ICA1L: variants seen among roughly 807,000 people sequenced by gnomAD.
ICA1L encodes the protein islet cell autoantigen 1 like, also known as islet cell autoantigen 1-like protein.
A neutral mutation model predicts 61.3 loss-of-function variants in ICA1L; 50 were observed. The observed-to-expected ratio is 0.82, with a 90% CI of 0.65 to 1.03. The LOEUF (loss-of-function observed/expected upper bound fraction) is 1.03, where lower values mean the gene tolerates loss of function less well. Among genes scored for constraint, ICA1L ranks in the 50% least tolerant of loss-of-function variants. The pLI, the probability that ICA1L is intolerant of heterozygous loss-of-function variation, is 0.00. For synonymous variants in ICA1L, 161 were observed against 191.3 expected, an observed-to-expected ratio of 0.84 and a Z score of 1.31; for missense variants, 508 against 556.7, an observed-to-expected ratio of 0.91 and a Z score of 0.88.
chr2:202,787,561 CTGAG>C (rs1559127030), intron 11 of ICA1L, among the ~76,000 whole-genome samples: 1 of 152,186 alleles, frequency 6.6e-6, no homozygotes, highest in African/African-American at 2.4e-5. Flanking sequence ...TCAATTCTTA[CTGAG>C]TGATTATTTA....
intron 1 of ICA1L, among the ~76,000 whole-genome samples, chr2:202,856,639 G>C (rs1368160176): frequency 6.6e-6 from 1 of 152,030 alleles, no homozygotes; most frequent in Non-Finnish European, 1.5e-5. Context: ...AGGGCAATCA[G>C]GCAAGAGAAA....
chr2:202,832,886 G>T (rs1407846308), intron 1 of ICA1L, among the ~76,000 whole-genome samples: 1 of 152,112 alleles, frequency 6.6e-6, no homozygotes, highest in African/African-American at 2.4e-5. Context: ...CTGGGGCAAG[G>T]GGTGGGAGGA....
chr2:202,783,817 A>G (rs1014974926), intron 12 of ICA1L, among the ~76,000 whole-genome samples: 3 of 152,160 alleles, frequency 2.0e-5, no homozygotes, highest in African/African-American at 7.2e-5. Flanking sequence ...TTTAGGAAAT[A>G]GACAATGAAT....
At chr2:202,811,118 C>A (rs1255641883) in intron 9 of ICA1L, among the ~76,000 whole-genome samples, 2 of 152,132 alleles carry the variant, frequency 1.3e-5, no homozygotes, top group Non-Finnish European at 2.9e-5. Context: ...CACTCCCTCC[C>A]CTTTTGAAAA....
intron 1 of ICA1L, among the ~76,000 whole-genome samples, chr2:202,854,422 G>A (rs1694716360): frequency 6.6e-6 from 1 of 152,150 alleles, no homozygotes; most frequent in African/African-American, 2.4e-5. Flanking sequence ...AAAAGACTTA[G>A]ACTCGCACAC....
At chr2:202,839,600 G>A (rs1333274482) in intron 1 of ICA1L, among the ~76,000 whole-genome samples, 1 of 84,850 alleles carries the variant, frequency 1.2e-5, no homozygotes, top group African/African-American at 3.2e-5. Context: ...GTGTGTGTGT[G>A]TGTGTGTGTG....
chr2:202,869,557 G>A (rs753213982), intron 1 of ICA1L: 4 of 152,126 alleles, frequency 2.6e-5, no homozygotes, highest in Admixed American at 6.5e-5. Flanking sequence ...TGGGTGGGAT[G>A]AGACTTCAGC....
chr2:202,814,833 T>G, intron 7 of ICA1L, 49 bp from the exon 8 acceptor site: 2 of 1,210,302 alleles, frequency 1.7e-6, no homozygotes, highest in Non-Finnish European at 2.4e-6. Flanking sequence ...ATCTGTTTCT[T>G]CTTCTCTGCA....
intron 1 of ICA1L, 124 bp downstream of exon 1, chr2:202,871,495 G>T (rs1043780622): frequency 3.3e-5 from 5 of 151,936 alleles, no homozygotes; most frequent in African/African-American, 1.2e-4. Flanking sequence ...GCGCGCGCGT[G>T]TGGCCGGAGC....
chr2:202,846,447 C>T (rs560999693), intron 1 of ICA1L, among the ~76,000 whole-genome samples: 24 of 152,134 alleles, frequency 1.6e-4, no homozygotes, highest in Middle Eastern at 6.8e-3. Context: ...GGTTGCAAGT[C>T]AGGGTCTCCA....
intron 1 of ICA1L, among the ~76,000 whole-genome samples, chr2:202,836,471 G>A (rs1694151453): frequency 6.6e-6 from 1 of 152,080 alleles, no homozygotes; most frequent in African/African-American, 2.4e-5. Context: ...CCTATAATTT[G>A]CTTTTCTTGT....
At chr2:202,840,509 G>A (rs1043721146) in intron 1 of ICA1L, 19 of 536,098 alleles carry the variant, frequency 3.5e-5, no homozygotes, top group East Asian at 1.4e-4. Flanking sequence ...CTCATAGGCC[G>A]AGCTCAGACC....
At chr2:202,859,411 G>A (rs1420192496) in intron 1 of ICA1L, among the ~76,000 whole-genome samples, 1 of 152,126 alleles carries the variant, frequency 6.6e-6, no homozygotes, top group Non-Finnish European at 1.5e-5. Flanking sequence ...AAAATTAGCT[G>A]AAATTTTAAA....
intron 10 of ICA1L, among the ~76,000 whole-genome samples, chr2:202,789,737 AAAT>A (rs1200583937): frequency 6.6e-5 from 10 of 152,358 alleles, no homozygotes; most frequent in Non-Finnish European, 1.3e-4. Flanking sequence ...ACTTTCGGAA[AAAT>A]AATGATGAAG....
chr2:202,779,196 A>T lies in ICA1L; in HGVS notation c.*337T>A. On this transcript the variant is annotated 3_prime_UTR_variant, in exon 13 of 13. Coordinates refer to ENST00000358299, the MANE Select transcript of ICA1L (RefSeq NM_001288622.3). ...CAAGGCAACTTAAAAGGGTTTCCAAAGAAATAAGCTCAACTCCATATTGAC... is the reference window on the plus strand; with the variant it reads ...CAAGGCAACTTAAAAGGGTTTCCAATGAAATAAGCTCAACTCCATATTGAC... 1 of 197,478 alleles carries T rather than the reference A, an allele frequency of 5.1e-6. No homozygotes were observed. The highest frequency in any genetic ancestry group is 1.0e-5 in the Non-Finnish European group (1 of 98,448). The allele number at this position is 197,478 out of a possible 1,614,324, so 12.2% of individuals were successfully genotyped here.
At chr2:202,800,516 T>C (rs993911532) in intron 9 of ICA1L, among the ~76,000 whole-genome samples, 7 of 152,190 alleles carry the variant, frequency 4.6e-5, no homozygotes. Context: ...TTTCTAATAC[T>C]CCAGTCTGTA....
chr2:202,855,583 A>G (rs1169887686), intron 1 of ICA1L, among the ~76,000 whole-genome samples: 3 of 152,198 alleles, frequency 2.0e-5, no homozygotes, highest in Non-Finnish European at 4.4e-5. Flanking sequence ...AGGCTAAACC[A>G]GTAAGAAGTC....
At chr2:202,814,520 CCT>C (rs1693475045) in intron 8 of ICA1L, among the ~76,000 whole-genome samples, 180 bp downstream of exon 8, 2 of 152,136 alleles carry the variant, frequency 1.3e-5, no homozygotes, top group African/African-American at 4.8e-5. Flanking sequence ...GATAAATTAC[CCT>C]GTCTCAGGTA....
Position 202,774,445 on chromosome 2 carries a change from C to T in ICA1L, c.*5088G>A. On this transcript the variant is annotated 3_prime_UTR_variant, in exon 13 of 13. Transcript: ENST00000358299. ...CTGGCTCCCCGTTCGTCCAGGCCAG[C>T]TCAAGAAACAACTTTTTCTTTCATG... 1.7e-6 allele frequency: 1 copy of T among 586,508 alleles called. No homozygotes were observed. Among genetic ancestry groups the T allele is most frequent in the South Asian group, 3.1e-5 (1 of 31,948 alleles). 36.3% of individuals were successfully genotyped at this position (586,508 alleles called of 1,614,324 possible).
Sources: allele counts gnomAD v4.1 joint callset (sites outside exome capture counted in the v4.1 genomes callset), GRCh38; gene constraint gnomAD v4.1.1; transcripts MANE v1.5; gene names NCBI Gene and HGNC (gene_info 2026-07-23, HGNC 2026-07-21).